FAH: variants seen among roughly 807,000 people sequenced by gnomAD.
FAH encodes fumarylacetoacetase.
Under a neutral mutation model 55.8 loss-of-function variants are expected in FAH, and 47 were observed. The ratio of observed to expected loss-of-function variants is 0.84; its 90% CI spans 0.67 to 1.07. The LOEUF (loss-of-function observed/expected upper bound fraction) is 1.07, where lower values mean the gene tolerates loss of function less well. Among genes scored for constraint, FAH ranks in the 50% least tolerant of loss-of-function variants. The pLI is 0.00. For synonymous variants in FAH, 199 were observed against 207.7 expected (o/e 0.96, Z 0.36); for missense variants, 495 against 545.9 (o/e 0.91, Z 0.93).
At chr15:80,170,886 T>C (rs2041234960) in intron 7 of FAH, among the ~76,000 whole-genome samples, 1 of 152,108 alleles carries the variant, frequency 6.6e-6, no homozygotes, top group African/African-American at 2.4e-5. Flanking sequence ...TTTCCCAAAT[T>C]TTTCTTTCTA....
At position 80,183,389 on chromosome 15, in the gene FAH, G is replaced by A. The variant is rs374348861; in HGVS notation, c.1180+2230G>A. 7.9e-4 allele frequency among the ~76,000 whole-genome samples: 120 copies of A among 152,358 alleles called. 1 individual carries two copies. The highest frequency in any genetic ancestry group is 2.5e-3 in the African/African-American group (103 of 41,590). The stretch of plus-strand genomic sequence containing the variant: ...TATTGCTAGAATTTGGGCTAAGCAG[G>A]GGGTAAGCAGAGGAGCGGGCAGGTG... On this transcript the variant is annotated intron_variant, in intron 13 of 13. Coordinates refer to ENST00000561421, the MANE Select transcript of FAH (RefSeq NM_000137.4).
intron 8 of FAH, 46 bp from the exon 9 acceptor site, chr15:80,172,968 G>A (rs367884280): frequency 6.2e-7 from 1 of 1,614,014 alleles, no homozygotes; most frequent in Non-Finnish European, 8.5e-7. Flanking sequence ...GTTGGGAGAT[G>A]CCCTGATCAG....
chr15:80,152,819 A>C, upstream of FAH: 2 of 427,614 alleles, frequency 4.7e-6, no homozygotes, highest in East Asian at 4.3e-5. Flanking sequence ...ACTGTGGAGG[A>C]CCTGGAGCTG....
At chr15:80,173,835 G>A (rs1420081344) in intron 9 of FAH, 2 of 159,296 alleles carry the variant, frequency 1.3e-5, no homozygotes, top group Non-Finnish European at 2.8e-5. Context: ...GAGTCCTCAC[G>A]ATGCCCCTCT....
chr15:80,152,999 A>G lies in FAH; in HGVS notation c.-56A>G. ...GGGCCTGACCACAGCGGCCGAGTTC[A>G]GTCCTGCTCTCCGCACGCCACCTTA... On this transcript the variant is annotated 5_prime_UTR_variant, in exon 1 of 14. Transcript: ENST00000561421. 5 of 1,511,522 alleles carry G rather than the reference A, an allele frequency of 3.3e-6. No individual in the cohort carries two copies. The highest frequency in any genetic ancestry group is 4.6e-6 in the Non-Finnish European group (5 of 1,094,094). The allele number at this position is 1,511,522 out of a possible 1,614,324, so 93.6% of individuals were successfully genotyped here.
chr15:80,178,369 T>C (rs1428002069), intron 11 of FAH, among the ~76,000 whole-genome samples: 1 of 152,074 alleles, frequency 6.6e-6, no homozygotes, highest in East Asian at 1.9e-4. Context: ...CCAGCAAAGG[T>C]CACTCCTCTC....
In FAH at chr15:80,168,054, T is replaced by C; in HGVS notation, c.458T>C (p.Leu153Pro). 6.2e-7 allele frequency: 1 copy of C among 1,613,708 alleles called. No individual in the cohort carries two copies. The highest frequency in any genetic ancestry group is 1.1e-5 in the South Asian group (1 of 91,072). ...ATTCTCTTGCCTTCCTTTCTCAGGC[T>C]GCACTTACCAGTGGGCTACCATGGC... ...DKENALMPNW[L>P]HLPVGYHGRA... Residue 153 changes from leucine (L) to proline (P), a missense_variant and splice_region_variant, in exon 6 of 14, where the codon CTG (leucine) becomes CCG (proline). Transcript: ENST00000561421.
chr15:80,160,236 G>A (rs1160396969), intron 3 of FAH, 174 bp from the exon 4 acceptor site: 5 of 720,872 alleles, frequency 6.9e-6, no homozygotes, highest in Non-Finnish European at 1.2e-5. Flanking sequence ...AACGGCTTCA[G>A]TGGGTGGATG....
At chr15:80,176,359 G>C (rs1254104539) in intron 10 of FAH, among the ~76,000 whole-genome samples, 1 of 152,194 alleles carries the variant, frequency 6.6e-6, no homozygotes, top group Admixed American at 6.5e-5. Context: ...TACACTCCAG[G>C]CTTTGCCATG....
intron 5 of FAH, chr15:80,162,801 T>G (rs1356629250): frequency 1.3e-5 from 3 of 228,938 alleles, no homozygotes; most frequent in Non-Finnish European, 2.6e-5. Flanking sequence ...AGGCCATGAT[T>G]GTAAGCCCCA....
intron 1 of FAH, among the ~76,000 whole-genome samples, chr15:80,155,240 G>A (rs372466953): frequency 4.7e-4 from 71 of 152,308 alleles, no homozygotes; most frequent in Middle Eastern, 6.8e-3. Flanking sequence ...AAGGAACCAC[G>A]TCACTGTTCC....
chr15:80,173,131 C>T lies in FAH; in HGVS notation c.824C>T (p.Pro275Leu). The T allele has an allele frequency of 6.2e-7, 1 of 1,614,216 alleles. No individual in the cohort carries two copies. Among genetic ancestry groups the T allele is most frequent in the Non-Finnish European group, 8.5e-7 (1 of 1,180,036 alleles). The change falls in exon 9 of 14, where the codon CCC becomes CTC. Residue 275 changes from proline to leucine, a missense_variant. By Grantham distance (98) the Pro-to-Leu change is moderately conservative. Transcript: ENST00000561421. ...PMDALMPFAVPNPKQDPRPLP... is the reference protein window; with the variant it reads ...PMDALMPFAVLNPKQDPRPLP... Reference sequence around the variant, plus strand: ...GATGCTCTCATGCCCTTTGCTGTGCCCAACCCGAAGCAGGTAAGCACATTC... The same window carrying T: ...GATGCTCTCATGCCCTTTGCTGTGCTCAACCCGAAGCAGGTAAGCACATTC...
chr15:80,165,939 A>G (rs905367506), intron 5 of FAH: 2 of 152,214 alleles, frequency 1.3e-5, no homozygotes, highest in African/African-American at 4.8e-5. Flanking sequence ...AAATATTACA[A>G]AATAATTTAT....
At chr15:80,185,088 G>A (rs1595899096) in intron 13 of FAH, among the ~76,000 whole-genome samples, 1 of 152,166 alleles carries the variant, frequency 6.6e-6, no homozygotes, top group Non-Finnish European at 1.5e-5. Flanking sequence ...TAGTTTCTGA[G>A]ATGTGCTGGG....
chr15:80,159,255 A>G (rs2041127026), intron 2 of FAH, among the ~76,000 whole-genome samples: 4 of 151,072 alleles, frequency 2.6e-5, no homozygotes, highest in Admixed American at 2.0e-4. Context: ...TTTTTTTTTA[A>G]TAGAGATGAA....
Position 80,158,187 on chromosome 15 carries a change from C to A in FAH, c.192+17C>A. The A allele has an allele frequency of 1.3e-6, 2 of 1,559,302 alleles. No homozygotes were observed. The highest frequency in any genetic ancestry group is 1.8e-6 in the Non-Finnish European group (2 of 1,129,978). ...TTCAATCAGGTAGGACATTGTGAAA[C>A]GACTTGTCCCTGACCTCAGTGGCAC... On this transcript the variant is annotated intron_variant, in intron 2 of 13. Transcript: ENST00000561421.
intron 7 of FAH, among the ~76,000 whole-genome samples, chr15:80,171,395 CA>C (rs1047275336): frequency 3.3e-5 from 5 of 152,112 alleles, no homozygotes; most frequent in African/African-American, 1.2e-4. Context: ...ATTGCAAGGA[CA>C]AAAAACCAAA....
intron 11 of FAH, among the ~76,000 whole-genome samples, chr15:80,179,248 T>C (rs1012405965): frequency 1.3e-5 from 2 of 152,234 alleles, no homozygotes; most frequent in African/African-American, 4.8e-5. Context: ...CCCTAATGAC[T>C]AATGCAGCTG....
intron 10 of FAH, among the ~76,000 whole-genome samples, chr15:80,175,548 C>G (rs2041275844): frequency 6.6e-6 from 1 of 152,180 alleles, no homozygotes; most frequent in South Asian, 2.1e-4. Context: ...ACCCCAGATT[C>G]CCACCATGGG....
Sources: allele counts gnomAD v4.1 joint callset (sites outside exome capture counted in the v4.1 genomes callset), GRCh38; gene constraint gnomAD v4.1.1; transcripts MANE v1.5; gene names NCBI Gene and HGNC (gene_info 2026-07-23, HGNC 2026-07-21).